NEDD9: variants seen among roughly 807,000 people sequenced by gnomAD.
NEDD9 encodes enhancer of filamentation 1.
Under a neutral mutation model 76.6 loss-of-function variants are expected in NEDD9, and 26 were observed. The observed-to-expected ratio is 0.34, with a 90% confidence interval of 0.25 to 0.47. The LOEUF (loss-of-function observed/expected upper bound fraction) is 0.47, where lower values mean the gene tolerates loss of function less well. NEDD9 is among the 20% of genes least tolerant of loss of function. The probability of loss-of-function intolerance (pLI) is 1.00; values close to 1 mark genes in which losing one functional copy is unlikely to be tolerated. For synonymous variants in NEDD9, 392 were observed against 414.2 expected, an observed-to-expected ratio of 0.95 and a Z score of 0.65; for missense variants, 937 against 1,058.5, an observed-to-expected ratio of 0.89 and a Z score of 1.59.
intron 6 of NEDD9, among the ~76,000 whole-genome samples, chr6:11,187,433 T>C (rs1166215481): frequency 6.6e-6 from 1 of 152,202 alleles, no homozygotes; most frequent in Non-Finnish European, 1.5e-5. Context: ...TAGGCCTGGA[T>C]ATATGTTGAA....
At chr6:11,209,534 A>C (rs760950117) in intron 2 of NEDD9, among the ~76,000 whole-genome samples, 2 of 152,202 alleles carry the variant, frequency 1.3e-5, no homozygotes, top group Non-Finnish European at 1.5e-5. Flanking sequence ...GTAGGAAATA[A>C]ACTCTGAGAA....
chr6:11,194,713 G>A (rs1758246302), intron 2 of NEDD9, among the ~76,000 whole-genome samples: 1 of 152,110 alleles, frequency 6.6e-6, no homozygotes, highest in Non-Finnish European at 1.5e-5. Context: ...CTACGTCAAG[G>A]GATATCAGAA....
chr6:11,316,389 C>G (rs1056844354), intron 2 of NEDD9, among the ~76,000 whole-genome samples: 2 of 152,186 alleles, frequency 1.3e-5, no homozygotes, highest in African/African-American at 4.8e-5. Flanking sequence ...TCCCTTTACT[C>G]TCACTCCCAC....
intron 1 of NEDD9, among the ~76,000 whole-genome samples, chr6:11,365,764 C>T (rs182427366): frequency 8.3e-4 from 127 of 152,118 alleles, no homozygotes; most frequent in Middle Eastern, 6.8e-3. Context: ...CCGAGGTGGG[C>T]GGATCACTTT....
At chr6:11,332,935 C>A (rs142537385) in intron 2 of NEDD9, among the ~76,000 whole-genome samples, 133 of 152,178 alleles carry the variant, frequency 8.7e-4, no homozygotes, top group African/African-American at 2.9e-3. Flanking sequence ...CCCCTTATGT[C>A]AGCTCAGCAC....
chr6:11,229,508 A>G (rs989294055), intron 1 of NEDD9, among the ~76,000 whole-genome samples: 10 of 150,340 alleles, frequency 6.7e-5, no homozygotes, highest in Non-Finnish European at 1.5e-4. Flanking sequence ...ACAACCATAC[A>G]CCTCCAGACC....
chr6:11,190,369 A>T lies in NEDD9; in HGVS notation c.1500T>A (p.Ser500Arg). ...ACTCATTTAAGTCATGGCTGGTTTG[A>T]CTCAGGATCTGGTGGGAGTCTTCAA... is the stretch of plus-strand genomic sequence containing the variant. ...QRVEDSHQIL[S>R]QTSHDLNECS... Residue 500 changes from serine (S) to arginine (R), a missense_variant, in exon 5 of 7, where the codon AGT becomes AGA. Transcript: ENST00000379446. This position sits in a 1 kb window ranked among gnomAD's most constrained non-coding sequence, Gnocchi z 5.8. The T allele has an allele frequency of 6.2e-7, 1 of 1,614,012 alleles. No homozygotes were observed. The highest frequency in any genetic ancestry group is 1.1e-5 in the South Asian group (1 of 91,062).
chr6:11,244,257 C>G (rs1759765502), intron 3 of NEDD9, among the ~76,000 whole-genome samples: 1 of 152,046 alleles, frequency 6.6e-6, no homozygotes, highest in Non-Finnish European at 1.5e-5. Flanking sequence ...CTCTCTTTCT[C>G]TTTACACACA....
chr6:11,196,374 G>T (rs1236508783), intron 2 of NEDD9, among the ~76,000 whole-genome samples: 3 of 152,054 alleles, frequency 2.0e-5, no homozygotes, highest in African/African-American at 4.8e-5. Context: ...GGTGGCGTTG[G>T]TGTCTGAAAA....
chr6:11,346,111 C>T (rs1055458734), intron 1 of NEDD9, among the ~76,000 whole-genome samples: 2 of 152,210 alleles, frequency 1.3e-5, no homozygotes, highest in Non-Finnish European at 2.9e-5. Context: ...TTTTTTGTGT[C>T]TCCACCATTA....
intron 3 of NEDD9, among the ~76,000 whole-genome samples, chr6:11,272,531 AAAG>A (rs748479453): frequency 1.1e-4 from 16 of 152,338 alleles, no homozygotes; most frequent in Middle Eastern, 3.4e-3. Flanking sequence ...AGAAGGGGCA[AAAG>A]AAGAAGGAGA....
intron 3 of NEDD9, among the ~76,000 whole-genome samples, chr6:11,242,209 G>A (rs1473328695): frequency 2.0e-5 from 3 of 152,150 alleles, no homozygotes; most frequent in African/African-American, 7.2e-5. Context: ...TATACAAAAA[G>A]CCAAAGGGGG....
Position 11,261,200 on chromosome 6 carries a change from C to T in NEDD9, c.12+44792G>A, listed in dbSNP as rs529836974. Among the ~76,000 whole-genome samples, 9 of 152,208 alleles carry T rather than the reference C, an allele frequency of 5.9e-5. No individual in the cohort carries two copies. In the South Asian group the frequency reaches 1.0e-3, roughly 18 times the overall value. On this transcript the variant is annotated intron_variant, in intron 3 of 3. Coordinates refer to the NEDD9 transcript ENST00000397378. ...ATAATGATGAAAATGTACATTGGTA[C>T]GCATCTTTTCCGATTATCAAGCGTT...
intron 6 of NEDD9, 138 bp downstream of exon 6, chr6:11,188,080 C>T: frequency 1.4e-6 from 1 of 707,642 alleles, no homozygotes; most frequent in East Asian, 2.6e-5. Context: ...CTTTTAAACC[C>T]CATTCCGTGC....
intron 2 of NEDD9, among the ~76,000 whole-genome samples, chr6:11,317,325 C>G (rs995472337): frequency 6.6e-6 from 1 of 151,616 alleles, no homozygotes; most frequent in Non-Finnish European, 1.5e-5. Flanking sequence ...CCCAGCTACT[C>G]GGGAGGCTGA....
At chr6:11,373,116 C>T (rs140542220) in intron 1 of NEDD9, among the ~76,000 whole-genome samples, 2,119 of 151,402 alleles carry the variant, frequency 0.014, 14 homozygotes, top group Middle Eastern at 0.041. Context: ...CAAACACCTT[C>T]GTTAAGTGGT....
chr6:11,287,310 C>T lies in NEDD9; in HGVS notation c.12+18682G>A, dbSNP rs1229020759. Reference sequence around the variant, plus strand: ...AGGCATGGTGGCAGGTGCCTGTAATCCCAGACGCTCAGGAGGCTGAGGCAG... The same window carrying T: ...AGGCATGGTGGCAGGTGCCTGTAATTCCAGACGCTCAGGAGGCTGAGGCAG... On this transcript the variant is annotated intron_variant, in intron 3 of 3. Coordinates refer to the NEDD9 transcript ENST00000397378. 4.6e-5 allele frequency among the ~76,000 whole-genome samples: 7 copies of T among 152,092 alleles called. No homozygotes were observed. The East Asian group carries it at 1.3e-3, about 29-fold the overall frequency.
At chr6:11,224,366 A>C (rs1484562622) in intron 1 of NEDD9, among the ~76,000 whole-genome samples, 2 of 152,092 alleles carry the variant, frequency 1.3e-5, no homozygotes, top group African/African-American at 4.8e-5. Flanking sequence ...GGCTGCGTTC[A>C]TTTCTGCTAT....
rs1165256620 is a variant in NEDD9, at chr6:11,266,016, G to C, written c.12+39976C>G. On this transcript the variant is annotated intron_variant, in intron 3 of 3. Coordinates refer to the NEDD9 transcript ENST00000397378. Reference sequence around the variant, plus strand: ...CATGGACATAGAGAGTAGAATGATTGACAATGGAGACTTGGAAGGGAGAGG... The same window carrying C: ...CATGGACATAGAGAGTAGAATGATTCACAATGGAGACTTGGAAGGGAGAGG... Among the ~76,000 whole-genome samples, 3 of 144,030 alleles carry C rather than the reference G, an allele frequency of 2.1e-5. No homozygotes were observed. In the East Asian group the frequency reaches 6.9e-4, roughly 33 times the overall value. 94.5% of individuals were successfully genotyped at this position (144,030 alleles called of 152,430 possible). A position where few individuals can be genotyped will look rare whatever the true frequency, so the allele number is the denominator to read the frequency against.
Sources: allele counts gnomAD v4.1 joint callset (sites outside exome capture counted in the v4.1 genomes callset), GRCh38; gene constraint gnomAD v4.1.1; non-coding constraint Gnocchi (gnomAD v3.1); transcripts MANE v1.5; gene names NCBI Gene and HGNC (gene_info 2026-07-23, HGNC 2026-07-21).